Variants in PCSK6 observed in about 807,000 individuals in gnomAD.
PCSK6 encodes the protein proprotein convertase subtilisin/kexin type 6, also known as paired basic amino acid cleaving enzyme 4.
In PCSK6, 85 loss-of-function variants were observed where a neutral mutation model predicts 123.3. The observed-to-expected ratio is 0.69, with a 90% confidence interval of 0.58 to 0.83. The LOEUF (loss-of-function observed/expected upper bound fraction) is 0.83, where lower values mean the gene tolerates loss of function less well. Ranked by LOEUF, PCSK6 falls within the 40% of genes least tolerant of loss-of-function variation. PCSK6 has a pLI of 0.00. For synonymous variants in PCSK6, 508 were observed against 516.0 expected (o/e 0.98, Z 0.21); for missense variants, 1,191 against 1,282.3 (o/e 0.93, Z 1.09).
intron 13 of PCSK6, among the ~76,000 whole-genome samples, chr15:101,353,294 C>T (rs2040947704): frequency 6.6e-6 from 1 of 152,192 alleles, no homozygotes; most frequent in African/African-American, 2.4e-5. Context: ...GGGGTTCGCA[C>T]TCCTATGAGA....
At chr15:101,380,840 T>C (rs916735928) in intron 11 of PCSK6, among the ~76,000 whole-genome samples, 6 of 152,194 alleles carry the variant, frequency 3.9e-5, no homozygotes, top group Non-Finnish European at 7.3e-5. Context: ...GATAAAGAAA[T>C]ATATCACTTT....
intron 6 of PCSK6, among the ~76,000 whole-genome samples, chr15:101,420,541 T>A (rs898873609): frequency 6.6e-6 from 1 of 151,934 alleles, no homozygotes; most frequent in African/African-American, 2.4e-5. Context: ...TTTCAAAATT[T>A]TTTGTAGAGA....
chr15:101,401,457 G>A (rs986203026), intron 6 of PCSK6, among the ~76,000 whole-genome samples: 1 of 152,222 alleles, frequency 6.6e-6, no homozygotes, highest in Non-Finnish European at 1.5e-5. Context: ...GATGGCACAA[G>A]GCAAGTGGAC....
At chr15:101,341,401 A>C (rs2040604411) in intron 13 of PCSK6, among the ~76,000 whole-genome samples, 1 of 151,870 alleles carries the variant, frequency 6.6e-6, no homozygotes, top group Non-Finnish European at 1.5e-5. Context: ...AGTTGGGATT[A>C]CAGGCGCCTG....
intron 6 of PCSK6, among the ~76,000 whole-genome samples, chr15:101,424,957 C>T (rs555608240): frequency 6.6e-6 from 1 of 152,250 alleles, no homozygotes; most frequent in Non-Finnish European, 1.5e-5. Context: ...CAGTTCTGGG[C>T]CTCTAGGAGC....
intron 18 of PCSK6, among the ~76,000 whole-genome samples, chr15:101,319,030 G>T (rs2040056652): frequency 6.6e-6 from 1 of 152,180 alleles, no homozygotes; most frequent in African/African-American, 2.4e-5. Flanking sequence ...GCTGGACAGA[G>T]ACACAGATGC....
At chr15:101,483,240 T>G (rs536888843) in intron 1 of PCSK6, among the ~76,000 whole-genome samples, 35 of 152,330 alleles carry the variant, frequency 2.3e-4, no homozygotes, top group Non-Finnish European at 5.1e-4. Context: ...TGGAACAAGT[T>G]CTGGCCCATC....
rs369155586 is a variant in PCSK6, at chr15:101,305,403, G to C, written c.2813-48C>G. 2.0e-6 allele frequency: 3 copies of C among 1,501,822 alleles called. No individual in the cohort carries two copies. The highest frequency in any genetic ancestry group is 2.8e-5 in the African/African-American group (2 of 72,726). 93.0% of individuals were successfully genotyped at this position (1,501,822 alleles called of 1,614,324 possible). The stretch of plus-strand genomic sequence containing the variant: ...GCAAAAGAGGGAAAGGTCAGTCTTC[G>C]GTGCCTGTGAAGATTGTTTCAAGGC... On this transcript the variant is annotated intron_variant, in intron 21 of 21. Transcript: ENST00000611716. This position sits in a 1 kb window ranked among gnomAD's most constrained non-coding sequence, Gnocchi z 4.8.
At chr15:101,403,352 C>G (rs540320291) in intron 6 of PCSK6, among the ~76,000 whole-genome samples, 24 of 150,146 alleles carry the variant, frequency 1.6e-4, no homozygotes, top group East Asian at 3.9e-4. Flanking sequence ...AGCACACCAG[C>G]ATGGCACATG....
Position 101,384,410 on chromosome 15 carries a change from C to G in PCSK6, c.1326G>C (p.Trp442Cys). The G allele has an allele frequency of 6.2e-7, 1 of 1,613,652 alleles. No homozygotes were observed. The highest frequency in any genetic ancestry group is 8.5e-7 in the Non-Finnish European group (1 of 1,179,722). The change falls in exon 10 of 22, where the codon TGG becomes TGC. Residue 442 changes from tryptophan to cysteine, a missense_variant. By Grantham distance (215) the Trp-to-Cys change is radical. Coordinates refer to ENST00000611716, the MANE Select transcript of PCSK6 (RefSeq NM_002570.5). ...LALEANSQLT[W>C]RDVQHLLVKT... ...TCACTAGCAGGTGCTGGACGTCCCT[C>G]CAGGTTAACTGGCTGCTGCAATGAC...
At chr15:101,326,541 G>A (rs552733125) in intron 15 of PCSK6, 62 bp from the exon 16 acceptor site, 63 of 1,424,906 alleles carry the variant, frequency 4.4e-5, no homozygotes, top group Non-Finnish European at 5.4e-5. Context: ...CTGCAGTCCC[G>A]CGGATCCCTG....
intron 15 of PCSK6, among the ~76,000 whole-genome samples, chr15:101,327,536 T>C (rs2040283683): frequency 1.3e-5 from 2 of 152,268 alleles, no homozygotes; most frequent in South Asian, 4.1e-4. Flanking sequence ...GTGAAGGCTT[T>C]TGAGTTACTG....
At chr15:101,431,056 C>A (rs1489961123) in intron 4 of PCSK6, among the ~76,000 whole-genome samples, 2 of 152,314 alleles carry the variant, frequency 1.3e-5, no homozygotes, top group African/African-American at 4.8e-5. Context: ...CCCCTCCATG[C>A]ATTTCTTAGT....
chr15:101,318,823 G>A (rs755105587), intron 18 of PCSK6, among the ~76,000 whole-genome samples: 10 of 152,210 alleles, frequency 6.6e-5, no homozygotes, highest in Non-Finnish European at 1.5e-4. Flanking sequence ...GGCGTGTGAC[G>A]GGGCTGTCGG....
chr15:101,394,598 A>G (rs80067004), intron 7 of PCSK6, among the ~76,000 whole-genome samples: 21,193 of 152,122 alleles, frequency 0.14, 1,816 homozygotes, highest in East Asian at 0.23. Flanking sequence ...TTCCCAAACA[A>G]ACAGAGGAAA....
intron 2 of PCSK6, among the ~76,000 whole-genome samples, chr15:101,437,422 G>C (rs993348300): frequency 2.0e-5 from 3 of 152,076 alleles, no homozygotes; most frequent in African/African-American, 4.8e-5. Flanking sequence ...AGTAGAGGAG[G>C]GGGAGGAGGA....
At chr15:101,374,370 G>A (rs867649616) in intron 11 of PCSK6, among the ~76,000 whole-genome samples, 31 of 152,052 alleles carry the variant, frequency 2.0e-4, no homozygotes, top group African/African-American at 6.8e-4. Flanking sequence ...GCAGGAAGAC[G>A]GGCCACAGGC....
intron 13 of PCSK6, among the ~76,000 whole-genome samples, chr15:101,363,275 C>T (rs1178969532): frequency 1.3e-5 from 2 of 152,212 alleles, no homozygotes; most frequent in Non-Finnish European, 2.9e-5. Context: ...GTATTCGGCT[C>T]ATGATACAGA....
chr15:101,399,543 C>A (rs900203044), intron 6 of PCSK6, among the ~76,000 whole-genome samples: 1 of 152,186 alleles, frequency 6.6e-6, no homozygotes, highest in Admixed American at 6.5e-5. Flanking sequence ...GCCATCCCAG[C>A]CAGGGGCGTC....
Sources: allele counts gnomAD v4.1 joint callset (sites outside exome capture counted in the v4.1 genomes callset), GRCh38; gene constraint gnomAD v4.1.1; non-coding constraint Gnocchi (gnomAD v3.1); transcripts MANE v1.5; gene names NCBI Gene and HGNC (gene_info 2026-07-23, HGNC 2026-07-21).